Variants in PDE8B observed in about 807,000 individuals in gnomAD.
The protein encoded by PDE8B is high affinity cAMP-specific and IBMX-insensitive 3',5'-cyclic phosphodiesterase 8B.
A neutral mutation model predicts 101.3 loss-of-function variants in PDE8B; 26 were observed. The ratio of observed to expected loss-of-function variants is 0.26; its 90% CI spans 0.19 to 0.36. The LOEUF (loss-of-function observed/expected upper bound fraction) is 0.36, where lower values mean the gene tolerates loss of function less well. Ranked by LOEUF, PDE8B falls within the 10% of genes least tolerant of loss-of-function variation. The probability of loss-of-function intolerance (pLI) is 1.00; values close to 1 mark genes in which losing one functional copy is unlikely to be tolerated. For synonymous variants in PDE8B, 424 were observed against 429.3 expected (o/e 0.99, Z 0.15); for missense variants, 810 against 1,163.1 (o/e 0.70, Z 4.42).
At chr5:77,388,462 A>ACCAGCCAGATG (rs1353759049) in intron 10 of PDE8B, among the ~76,000 whole-genome samples, 1 of 152,200 alleles carries the variant, frequency 6.6e-6, no homozygotes, top group African/African-American at 2.4e-5. Context: ...CCAAAGGGGC[A>ACCAGCCAGATG]CCAGCCAGAT....
the PDE8B span, among the ~76,000 whole-genome samples, chr5:77,096,683 A>T: frequency 6.6e-6 from 1 of 152,112 alleles, no homozygotes; most frequent in African/African-American, 2.4e-5. Context: ...TTTGGAGGGG[A>T]CAAAAACATT....
At chr5:77,300,739 C>T (rs1038962909) in intron 1 of PDE8B, among the ~76,000 whole-genome samples, 8 of 152,130 alleles carry the variant, frequency 5.3e-5, no homozygotes, top group East Asian at 1.9e-4. Context: ...GAAGCTTTGC[C>T]GGTCTCAGGC....
At chr5:77,249,790 G>A (rs1299789065) in intron 1 of PDE8B, among the ~76,000 whole-genome samples, 3 of 152,192 alleles carry the variant, frequency 2.0e-5, no homozygotes, top group Non-Finnish European at 2.9e-5. Flanking sequence ...ATTTTCCACT[G>A]ATAAAAATTA....
In PDE8B at chr5:77,344,314, C is replaced by T. The variant is rs776408924; in HGVS notation, c.798-539C>T. 2.6e-5 allele frequency among the ~76,000 whole-genome samples: 4 copies of T among 152,194 alleles called. No homozygotes were observed. The South Asian group carries it at 8.3e-4, about 32-fold the overall frequency. Reference sequence around the variant, plus strand: ...ACACGTGAGGGTGTTATGTCTGCTACGACACCACTAGGCAATAGGAATTAG... The same window carrying T: ...ACACGTGAGGGTGTTATGTCTGCTATGACACCACTAGGCAATAGGAATTAG... On this transcript the variant is annotated intron_variant, in intron 6 of 21. Transcript: ENST00000264917.
chr5:77,169,193 A>G, the PDE8B span, among the ~76,000 whole-genome samples: 1 of 152,304 alleles, frequency 6.6e-6, no homozygotes, highest in South Asian at 2.1e-4. Context: ...GCTTTTGGAA[A>G]CAAAGTGTTT....
chr5:77,327,711 G>A (rs890437953), intron 3 of PDE8B, among the ~76,000 whole-genome samples: 1 of 152,198 alleles, frequency 6.6e-6, no homozygotes, highest in African/African-American at 2.4e-5. Context: ...GGCTGACTGG[G>A]AAGTAGCCTG....
intron 6 of PDE8B, among the ~76,000 whole-genome samples, chr5:77,338,726 T>G (rs1238907660): frequency 6.6e-6 from 1 of 152,246 alleles, no homozygotes; most frequent in Non-Finnish European, 1.5e-5. Context: ...CTTAGTACTT[T>G]TATTTTAGAT....
At chr5:77,259,648 C>T (rs1225789229) in intron 1 of PDE8B, among the ~76,000 whole-genome samples, 3 of 152,182 alleles carry the variant, frequency 2.0e-5, no homozygotes, top group Non-Finnish European at 2.9e-5. Context: ...TGCAGCAATC[C>T]CTACTAAGCC....
At chr5:77,238,238 G>T (rs1755079349) in intron 1 of PDE8B, among the ~76,000 whole-genome samples, 1 of 152,064 alleles carries the variant, frequency 6.6e-6, no homozygotes, top group Non-Finnish European at 1.5e-5. Context: ...TATTGTTCAG[G>T]TTCCTAAGAC....
chr5:77,127,912 C>T, the PDE8B span, among the ~76,000 whole-genome samples: 31 of 152,262 alleles, frequency 2.0e-4, no homozygotes, highest in African/African-American at 6.0e-4. Context: ...GAAGGCTTGG[C>T]GTTCTGTCTC....
intron 10 of PDE8B, among the ~76,000 whole-genome samples, chr5:77,357,360 G>T (rs375676474): frequency 1.4e-4 from 21 of 152,294 alleles, no homozygotes; most frequent in African/African-American, 5.1e-4. Context: ...CTTTAGCCAT[G>T]GGTTGAGATG....
chr5:77,211,363 C>T lies in PDE8B; in HGVS notation c.339+99C>T. The T allele has an allele frequency of 8.3e-7, 1 of 1,199,214 alleles. No homozygotes were observed. Among genetic ancestry groups the T allele is most frequent in the Non-Finnish European group, 1.1e-6 (1 of 872,722 alleles). 74.3% of individuals were successfully genotyped at this position (1,199,214 alleles called of 1,614,324 possible). On this transcript the variant is annotated intron_variant, in intron 1 of 21. Transcript: ENST00000264917. The surrounding 1 kb of genome is among the most constrained non-coding windows in gnomAD (Gnocchi z 4.1). Reference sequence around the variant, plus strand: ...CCGGCGGAGTTGGGTGACCGTGAGGCGGTTGGTTTGGAGAGGTTGTCACTA... The same window carrying T: ...CCGGCGGAGTTGGGTGACCGTGAGGTGGTTGGTTTGGAGAGGTTGTCACTA...
chr5:77,287,433 T>C (rs933083471), intron 1 of PDE8B, among the ~76,000 whole-genome samples: 2 of 152,118 alleles, frequency 1.3e-5, no homozygotes, highest in Non-Finnish European at 2.9e-5. Context: ...TAGGTATTTT[T>C]TTTTCTTCAT....
At position 77,283,365 on chromosome 5, in the gene PDE8B, GT is replaced by G. The variant is rs374290707; in HGVS notation, c.340-28626del. 1.7e-3 allele frequency among the ~76,000 whole-genome samples: 265 copies of G among 152,220 alleles called. 1 individual carries two copies. The highest frequency in any genetic ancestry group is 5.6e-3 in the African/African-American group (232 of 41,552). On this transcript the variant is annotated intron_variant, in intron 1 of 21. Transcript: ENST00000264917. ...ACAACATAATCATCCAGAGTCCATA[GT>G]TTACATTAGGGTTCACTCTTGATGT...
chr5:77,158,970 A>C, the PDE8B span, among the ~76,000 whole-genome samples: 1 of 152,328 alleles, frequency 6.6e-6, no homozygotes, highest in East Asian at 1.9e-4. Flanking sequence ...GAGCCTGAGC[A>C]TGCAGGTGAG....
At chr5:77,125,101 T>C in the PDE8B span, among the ~76,000 whole-genome samples, 1 of 152,208 alleles carries the variant, frequency 6.6e-6, no homozygotes, top group Non-Finnish European at 1.5e-5. Context: ...TCAGTGATTC[T>C]TCCACCTCAG....
At position 77,329,041 on chromosome 5, in the gene PDE8B, G is replaced by T; in HGVS notation, c.634G>T (p.Ala212Ser). The T allele has an allele frequency of 6.2e-7, 1 of 1,613,870 alleles. No homozygotes were observed. The highest frequency in any genetic ancestry group is 8.5e-7 in the Non-Finnish European group (1 of 1,179,786). The stretch of plus-strand genomic sequence containing the variant: ...TCCCTCCGAGCACACGGTGATCCTC[G>T]CAGTGGTTTCGCGAGTGTAAGTGCA... ...TNPSEHTVIL[A>S]VVSRVSDDHE... Residue 212 changes from alanine to serine, a missense_variant, in exon 4 of 22, where the codon GCA becomes TCA. Ala to Ser is a moderately conservative substitution (Grantham distance 99). Coordinates refer to ENST00000264917, the MANE Select transcript of PDE8B (RefSeq NM_003719.5).
At chr5:77,238,353 A>G (rs1227055358) in intron 1 of PDE8B, among the ~76,000 whole-genome samples, 1 of 152,294 alleles carries the variant, frequency 6.6e-6, no homozygotes, top group East Asian at 1.9e-4. Context: ...TCTAACATTG[A>G]GCCTATCCAG....
Position 77,348,100 on chromosome 5 carries a change from C to T in PDE8B, c.877-1319C>T, listed in dbSNP as rs529302209. Among the ~76,000 whole-genome samples, 24 of 152,198 alleles carry T rather than the reference C, an allele frequency of 1.6e-4. No individual in the cohort carries two copies. In the South Asian group the frequency reaches 4.8e-3, roughly 30 times the overall value. ...AACCCCTTCAACTCTCAGGGTTGAT[C>T]GTGTTAATAGAAGCTGTGTCTCCCA... On this transcript the variant is annotated intron_variant, in intron 7 of 21. Coordinates refer to ENST00000264917, the MANE Select transcript of PDE8B (RefSeq NM_003719.5).
Sources: gnomAD v4.1 joint callset for allele counts (sites outside exome capture counted in the v4.1 genomes callset) on GRCh38, gnomAD v4.1.1 for gene constraint, Gnocchi (gnomAD v3.1) non-coding constraint, MANE v1.5 for transcripts, NCBI Gene and HGNC (gene_info 2026-07-23, HGNC 2026-07-21) for gene names.